SLK: variants seen among roughly 807,000 people sequenced by gnomAD.
The protein encoded by SLK is STE20 like kinase.
In SLK, 67 loss-of-function variants were observed where a neutral mutation model predicts 147.7. The ratio of observed to expected loss-of-function variants is 0.45; its 90% CI spans 0.37 to 0.56. The LOEUF is 0.56. Ranked by LOEUF, SLK falls within the 20% of genes least tolerant of loss-of-function variation. The pLI, the probability that SLK is intolerant of heterozygous loss-of-function variation, is 0.00. For missense variants in SLK, 1,136 were observed against 1,438.8 expected, an observed-to-expected ratio of 0.79 and a Z score of 3.41; for synonymous variants, 441 against 475.0, an observed-to-expected ratio of 0.93 and a Z score of 0.93.
At chr10:103,983,789 A>G (rs1843977167) in intron 1 of SLK, among the ~76,000 whole-genome samples, 1 of 151,946 alleles carries the variant, frequency 6.6e-6, no homozygotes, top group Non-Finnish European at 1.5e-5. Context: ...CACCAGCACC[A>G]GTTGGCTGGT....
intron 1 of SLK, among the ~76,000 whole-genome samples, chr10:103,968,145 C>T (rs1169217938): frequency 6.6e-6 from 1 of 152,196 alleles, no homozygotes; most frequent in Non-Finnish European, 1.5e-5. Context: ...TCTACTCTTT[C>T]AAACTTCAAA....
intron 3 of SLK, 54 bp from the exon 4 acceptor site, chr10:103,992,930 A>T: frequency 7.6e-7 from 1 of 1,320,988 alleles, no homozygotes; most frequent in Non-Finnish European, 1.1e-6. Flanking sequence ...ATAGCCTGCT[A>T]ATATGTTTTC....
At chr10:104,012,700 C>T (rs2134517224) in intron 13 of SLK, among the ~76,000 whole-genome samples, 1 of 152,250 alleles carries the variant, frequency 6.6e-6, no homozygotes, top group South Asian at 2.1e-4. Context: ...ACCATGCTGC[C>T]TCTCATATTT....
chr10:103,982,653 A>G (rs1250831905), intron 1 of SLK, among the ~76,000 whole-genome samples: 1 of 152,208 alleles, frequency 6.6e-6, no homozygotes, highest in Non-Finnish European at 1.5e-5. Context: ...GAATTTGCCT[A>G]CTTGTTAAAG....
chr10:103,996,190 C>G (rs1362802130), intron 4 of SLK, among the ~76,000 whole-genome samples: 1 of 152,120 alleles, frequency 6.6e-6, no homozygotes, highest in Non-Finnish European at 1.5e-5. Flanking sequence ...TGCTGGATAA[C>G]AAATCCTTGG....
At chr10:104,018,396 C>A in intron 14 of SLK, 107 bp downstream of exon 14, 1 of 1,002,702 alleles carries the variant, frequency 1.0e-6, no homozygotes, top group Non-Finnish European at 1.5e-6. Context: ...CCTGATGATG[C>A]TGGAAATATA....
chr10:103,997,690 TAA>T (rs1844193692), intron 4 of SLK, among the ~76,000 whole-genome samples: 1 of 152,140 alleles, frequency 6.6e-6, no homozygotes, highest in South Asian at 2.1e-4. Context: ...CCTTTGTTTC[TAA>T]AGTTTTTCTT....
At chr10:103,978,556 A>AT (rs908133542) in intron 1 of SLK, among the ~76,000 whole-genome samples, 3 of 151,996 alleles carry the variant, frequency 2.0e-5, no homozygotes, top group African/African-American at 4.8e-5. Flanking sequence ...GTGAATATAT[A>AT]TTTTTTTTCC....
At chr10:104,017,930 G>T (rs947780311) in intron 13 of SLK, among the ~76,000 whole-genome samples, 1 of 152,194 alleles carries the variant, frequency 6.6e-6, no homozygotes, top group African/African-American at 2.4e-5. Flanking sequence ...TATTCTGTAT[G>T]TATCCTTCTT....
intron 12 of SLK, among the ~76,000 whole-genome samples, chr10:104,009,535 G>A (rs1844372436): frequency 6.6e-6 from 1 of 151,982 alleles, no homozygotes; most frequent in African/African-American, 2.4e-5. Context: ...TACTATTTCT[G>A]ATGTTTTATG....
At chr10:104,006,490 A>G (rs1844327787) in intron 11 of SLK, among the ~76,000 whole-genome samples, 1 of 152,276 alleles carries the variant, frequency 6.6e-6, no homozygotes, top group African/African-American at 2.4e-5. Context: ...TCTGGCTTCT[A>G]CAGTTAAGCC....
chr10:103,992,948 A>C, intron 3 of SLK, 36 bp from the exon 4 acceptor site: 1 of 1,544,942 alleles, frequency 6.5e-7, no homozygotes, highest in Non-Finnish European at 8.9e-7. Flanking sequence ...TTCACTGTAT[A>C]AAAAGCAGAT....
intron 7 of SLK, 35 bp from the exon 8 acceptor site, chr10:104,001,409 C>T (rs751376162): frequency 4.5e-6 from 7 of 1,548,016 alleles, no homozygotes; most frequent in Non-Finnish European, 6.2e-6. Context: ...AGTAGTATTC[C>T]AGTTGTTGAG....
intron 1 of SLK, among the ~76,000 whole-genome samples, chr10:103,976,715 A>G (rs1264463509): frequency 6.6e-6 from 1 of 151,924 alleles, no homozygotes; most frequent in Non-Finnish European, 1.5e-5. Flanking sequence ...GCTTTCTGTC[A>G]CCCCCCGAAA....
At chr10:103,980,890 G>T (rs906053598) in intron 1 of SLK, among the ~76,000 whole-genome samples, 3 of 151,914 alleles carry the variant, frequency 2.0e-5, no homozygotes, top group Admixed American at 6.6e-5. Flanking sequence ...TTAATTTTTT[G>T]GGGGAACTGC....
chr10:104,026,690 A>G lies in SLK; in HGVS notation c.*970A>G, dbSNP rs374733105. Reference sequence around the variant, plus strand: ...GTCAGAGGCCTGCAGGCTGTGAGTTATATTTATAAATATATCTTCAGAAAT... The same window carrying G: ...GTCAGAGGCCTGCAGGCTGTGAGTTGTATTTATAAATATATCTTCAGAAAT... On this transcript the variant is annotated 3_prime_UTR_variant, in exon 19 of 19. Coordinates refer to ENST00000369755, the MANE Select transcript of SLK (RefSeq NM_014720.4). 1 of 152,226 alleles carries G rather than the reference A, an allele frequency of 6.6e-6. No individual in the cohort carries two copies. The highest frequency in any genetic ancestry group is 2.1e-4 in the South Asian group (1 of 4,834). The allele number at this position is 152,226 out of a possible 1,614,324, so 9.4% of individuals were successfully genotyped here. A position where few individuals can be genotyped will look rare whatever the true frequency, so the allele number is the denominator to read the frequency against.
At chr10:103,994,193 A>G (rs1844136223) in intron 4 of SLK, among the ~76,000 whole-genome samples, 1 of 152,314 alleles carries the variant, frequency 6.6e-6, no homozygotes, top group East Asian at 1.9e-4. Context: ...GTGAAAAATT[A>G]CAGATATAGA....
At chr10:103,968,141 CT>C (rs1422655526) in intron 1 of SLK, among the ~76,000 whole-genome samples, 1 of 152,206 alleles carries the variant, frequency 6.6e-6, no homozygotes, top group Non-Finnish European at 1.5e-5. Context: ...AAAGTCTACT[CT>C]TTCAAACTTC....
At chr10:103,980,651 A>G (rs1017004828) in intron 1 of SLK, among the ~76,000 whole-genome samples, 1 of 152,180 alleles carries the variant, frequency 6.6e-6, no homozygotes, top group Admixed American at 6.5e-5. Flanking sequence ...ATGTCATAGC[A>G]TATGTTAGAA....
Sources: allele counts gnomAD v4.1 joint callset (sites outside exome capture counted in the v4.1 genomes callset), GRCh38; gene constraint gnomAD v4.1.1; transcripts MANE v1.5; gene names NCBI Gene and HGNC (gene_info 2026-07-23, HGNC 2026-07-21).